Variants in TIAM1 observed in about 807,000 individuals in gnomAD.
TIAM1 encodes rho guanine nucleotide exchange factor TIAM1.
Under a neutral mutation model 163.5 loss-of-function variants are expected in TIAM1, and 65 were observed. The observed-to-expected ratio is 0.40, with a 90% CI of 0.33 to 0.49. The LOEUF (loss-of-function observed/expected upper bound fraction) is 0.49, where lower values mean the gene tolerates loss of function less well. Among genes scored for constraint, TIAM1 ranks in the 20% least tolerant of loss-of-function variants. The pLI, the probability that TIAM1 is intolerant of heterozygous loss-of-function variation, is 0.77. For synonymous variants in TIAM1, 833 were observed against 810.1 expected, an observed-to-expected ratio of 1.03 and a Z score of -0.48; for missense variants, 1,789 against 2,044.7, an observed-to-expected ratio of 0.87 and a Z score of 2.41.
chr21:31,246,130 C>T (rs181542593), intron 5 of TIAM1, among the ~76,000 whole-genome samples: 1 of 152,218 alleles, frequency 6.6e-6, no homozygotes, highest in East Asian at 1.9e-4. Flanking sequence ...AGACCATGCC[C>T]TTGGATAAAA....
rs79834158 is a variant in TIAM1, at chr21:31,555,805, G to A, written c.-422+3122C>T. On this transcript the variant is annotated intron_variant, in intron 1 of 28. Coordinates refer to the TIAM1 transcript ENST00000286827. ...TATGATCCTTGCAGAAATCGCAGAA[G>A]TGTTAATACATGCACCTAGTAGGCC... Among the ~76,000 whole-genome samples the A allele has an allele frequency of 5.6e-3, 858 of 152,300 alleles. 1 individual carries two copies. The highest frequency in any genetic ancestry group is 8.7e-3 in the South Asian group (42 of 4,826).
At chr21:31,259,137 T>C (rs13048410) in intron 4 of TIAM1, among the ~76,000 whole-genome samples, 14 of 1,778 alleles carry the variant, frequency 7.9e-3, no homozygotes, top group South Asian at 0.031. Context: ...TTTTTTTTTT[T>C]CCTTTTTCTT....
In TIAM1 at chr21:31,251,869, G is replaced by A. The variant is rs772193099; in HGVS notation, c.1284C>T (p.Thr428=). 14 of 1,613,762 alleles carry A rather than the reference G, an allele frequency of 8.7e-6. No homozygotes were observed. The highest frequency in any genetic ancestry group is 5.0e-5 in the Admixed American group (3 of 59,992). The change falls in exon 5 of 28, where the codon ACC becomes ACT. Residue 428 remains threonine, a synonymous_variant. Transcript: ENST00000541036. ...CCTTGCGCACCGTGCCCTGTGCGGCGGTCAGCAGGATGTCCGACTGGCCCG... is the reference window on the plus strand; with the variant it reads ...CCTTGCGCACCGTGCCCTGTGCGGCAGTCAGCAGGATGTCCGACTGGCCCG... The part of the protein sequence containing the change: ...SSPGQSDILL[T]AAQGTVRKAG...
In TIAM1 at chr21:31,153,712, C is replaced by T. The variant is rs1041185533; in HGVS notation, c.3171+535G>A. ...TTTCTTATTAGGTCAACAACACATA[C>T]ATATATATATATATATAAATGAATT... is the stretch of plus-strand genomic sequence containing the variant. On this transcript the variant is annotated intron_variant, in intron 17 of 27. Transcript: ENST00000541036. Among the ~76,000 whole-genome samples, 23 of 150,394 alleles carry T rather than the reference C, an allele frequency of 1.5e-4. No homozygotes were observed. The East Asian group carries it at 4.3e-3, about 28-fold the overall frequency.
In TIAM1 at chr21:31,311,889, TGCCAGCACG is replaced by T. The variant is rs535843656; in HGVS notation, c.-189+27345_-189+27353del. Among the ~76,000 whole-genome samples the T allele has an allele frequency of 6.2e-3, 943 of 152,318 alleles. 8 individuals carry two copies. The highest frequency in any genetic ancestry group is 0.022 in the African/African-American group (911 of 41,564). ...TCTGGGTGGGCATCATCTAATCAGC[TGCCAGCACG>T]GCCAGAATAAAAGCAGGCAGAAGAA... On this transcript the variant is annotated intron_variant, in intron 2 of 27. Coordinates refer to ENST00000541036, the MANE Select transcript of TIAM1 (RefSeq NM_001353694.2).
chr21:31,173,203 T>C lies in TIAM1; in HGVS notation c.2888-8138A>G, dbSNP rs116949803. Among the ~76,000 whole-genome samples the C allele has an allele frequency of 2.2e-3, 337 of 152,266 alleles. 2 individuals are homozygous for C. Among genetic ancestry groups the C allele is most frequent in the Middle Eastern group, 3.4e-3 (1 of 294 alleles). On this transcript the variant is annotated intron_variant, in intron 15 of 27. Coordinates refer to ENST00000541036, the MANE Select transcript of TIAM1 (RefSeq NM_001353694.2). ...GGCCTCGTGAGATGTCTTAACAATGTGCTCTAAGCAGACCCTCCAATTCAA... is the reference window on the plus strand; with the variant it reads ...GGCCTCGTGAGATGTCTTAACAATGCGCTCTAAGCAGACCCTCCAATTCAA...
At chr21:31,177,306 T>C (rs1238466138) in intron 15 of TIAM1, among the ~76,000 whole-genome samples, 1 of 152,108 alleles carries the variant, frequency 6.6e-6, no homozygotes. Context: ...CTGATGAACA[T>C]AGAAATGGAC....
chr21:31,404,020 G>A (rs999125458), intron 2 of TIAM1, among the ~76,000 whole-genome samples: 16 of 152,092 alleles, frequency 1.1e-4, no homozygotes, highest in African/African-American at 3.1e-4. Context: ...GGCTGTCATT[G>A]TAAAAGGAAA....
chr21:31,301,928 AATAT>A (rs984658566), intron 2 of TIAM1, among the ~76,000 whole-genome samples: 2 of 149,556 alleles, frequency 1.3e-5, no homozygotes, highest in African/African-American at 2.4e-5. Flanking sequence ...TAATAAATAA[AATAT>A]ATATGTAACA....
chr21:31,394,146 C>A (rs2077012291), intron 2 of TIAM1, among the ~76,000 whole-genome samples: 1 of 152,144 alleles, frequency 6.6e-6, no homozygotes, highest in Non-Finnish European at 1.5e-5. Context: ...AATGGTATAT[C>A]ACACAAAGGA....
intron 1 of TIAM1, among the ~76,000 whole-genome samples, chr21:31,505,990 G>A (rs1394434809): frequency 3.7e-5 from 5 of 136,292 alleles, no homozygotes; most frequent in Admixed American, 2.4e-4. Context: ...CAGCCTGGGC[G>A]ACACGGTGAG....
At chr21:31,489,870 TC>T (rs1481614436) in intron 1 of TIAM1, among the ~76,000 whole-genome samples, 1 of 152,094 alleles carries the variant, frequency 6.6e-6, no homozygotes, top group Non-Finnish European at 1.5e-5. Flanking sequence ...TGAAGAAACT[TC>T]CAGAAAAACA....
intron 2 of TIAM1, among the ~76,000 whole-genome samples, chr21:31,449,207 G>A (rs1602305079): frequency 6.6e-6 from 1 of 150,990 alleles, no homozygotes; most frequent in Non-Finnish European, 1.5e-5. Context: ...TCAAGTGATC[G>A]TCACACTGTT....
intron 2 of TIAM1, among the ~76,000 whole-genome samples, chr21:31,318,079 G>C (rs192133722): frequency 6.6e-6 from 1 of 152,274 alleles, no homozygotes; most frequent in East Asian, 1.9e-4. Context: ...CAGCTCCCAG[G>C]TCTTTGCAGA....
At chr21:31,408,626 A>G (rs1471431292) in intron 2 of TIAM1, among the ~76,000 whole-genome samples, 1 of 152,240 alleles carries the variant, frequency 6.6e-6, no homozygotes, top group African/African-American at 2.4e-5. Context: ...CCCACAACTT[A>G]GAAAATTCTG....
intron 1 of TIAM1, among the ~76,000 whole-genome samples, chr21:31,477,663 C>G (rs987281918): frequency 1.3e-5 from 2 of 151,776 alleles, no homozygotes; most frequent in Non-Finnish European, 2.9e-5. Context: ...TTAGGAGAGA[C>G]GGGGGTTTCA....
At chr21:31,245,905 CA>C (rs2071476382) in intron 5 of TIAM1, among the ~76,000 whole-genome samples, 1 of 152,164 alleles carries the variant, frequency 6.6e-6, no homozygotes, top group Non-Finnish European at 1.5e-5. Flanking sequence ...CAAGTTCTCT[CA>C]AACCCTTCCT....
At chr21:31,457,876 T>A (rs1000922607) in intron 2 of TIAM1, among the ~76,000 whole-genome samples, 1 of 152,170 alleles carries the variant, frequency 6.6e-6, no homozygotes, top group African/African-American at 2.4e-5. Flanking sequence ...TGACCTCTAC[T>A]GGGCAGAGGC....
At chr21:31,310,468 C>T (rs1025265348) in intron 2 of TIAM1, among the ~76,000 whole-genome samples, 1 of 152,164 alleles carries the variant, frequency 6.6e-6, no homozygotes, top group Non-Finnish European at 1.5e-5. Context: ...CAAGAGTCAG[C>T]CACCCTGGGT....
Sources: gnomAD v4.1 joint callset for allele counts (sites outside exome capture counted in the v4.1 genomes callset) on GRCh38, gnomAD v4.1.1 for gene constraint, MANE v1.5 for transcripts, NCBI Gene and HGNC (gene_info 2026-07-23, HGNC 2026-07-21) for gene names.